The following FSTL4 variants were observed in gnomAD, a reference collection of about 807,000 sequenced individuals.
The protein encoded by FSTL4 is follistatin-related protein 4.
In FSTL4, 28 loss-of-function variants were observed where a neutral mutation model predicts 78.2. The observed-to-expected ratio is 0.36, with a 90% confidence interval of 0.27 to 0.49. The LOEUF is 0.49. Among genes scored for constraint, FSTL4 ranks in the 20% least tolerant of loss-of-function variants. The pLI, the probability that FSTL4 is intolerant of heterozygous loss-of-function variation, is 0.98. For synonymous variants in FSTL4, 422 were observed against 440.5 expected, an observed-to-expected ratio of 0.96 and a Z score of 0.53; for missense variants, 922 against 1,084.9, an observed-to-expected ratio of 0.85 and a Z score of 2.11.
In FSTL4 at chr5:133,197,478, A is replaced by G. The variant is rs1750179992; in HGVS notation, c.*1617T>C. 6.6e-6 allele frequency: 1 copy of G among 152,360 alleles called. No individual in the cohort carries two copies. Among genetic ancestry groups the G allele is most frequent in the African/African-American group, 2.4e-5 (1 of 41,436 alleles). The allele number at this position is 152,360 out of a possible 1,614,324, so 9.4% of individuals were successfully genotyped here. Reference sequence around the variant, plus strand: ...GGCGTTTGGTGGACCAAGTTGCGTGAGACATACAAGTGATTGATCTCATGA... The same window carrying G: ...GGCGTTTGGTGGACCAAGTTGCGTGGGACATACAAGTGATTGATCTCATGA... On this transcript the variant is annotated 3_prime_UTR_variant, in exon 16 of 16. Coordinates refer to ENST00000265342, the MANE Select transcript of FSTL4 (RefSeq NM_015082.2).
In FSTL4 at chr5:133,470,845, A is replaced by G. The variant is rs558295956; in HGVS notation, c.161-69859T>C. On this transcript the variant is annotated intron_variant, in intron 3 of 15. Coordinates refer to ENST00000265342, the MANE Select transcript of FSTL4 (RefSeq NM_015082.2). ...ACATGAGTCTTGAAACAAAAAGTTC[A>G]ATACTCAGATCAGATGATAAAGCCA... Among the ~76,000 whole-genome samples the G allele has an allele frequency of 3.2e-4, 48 of 151,866 alleles. 1 individual carries two copies. The highest frequency in any genetic ancestry group is 7.2e-4 in the Admixed American group (11 of 15,274).
At chr5:133,839,320 G>T in the FSTL4 span, among the ~76,000 whole-genome samples, 107 of 152,330 alleles carry the variant, frequency 7.0e-4, 1 homozygote, top group African/African-American at 2.5e-3. Context: ...TATTCCTGCA[G>T]ATGAGTACTG....
chr5:133,637,046 A>G, the FSTL4 span, among the ~76,000 whole-genome samples: 1 of 152,214 alleles, frequency 6.6e-6, no homozygotes, highest in African/African-American at 2.4e-5. Flanking sequence ...AGGCAAGGTC[A>G]AAGGATAGAC....
intron 11 of FSTL4, among the ~76,000 whole-genome samples, chr5:133,221,259 C>T (rs1751092978): frequency 6.6e-6 from 1 of 152,168 alleles, no homozygotes; most frequent in Non-Finnish European, 1.5e-5. Flanking sequence ...GTAGCAAAGG[C>T]TTTCATTTGC....
intron 4 of FSTL4, among the ~76,000 whole-genome samples, chr5:133,363,338 G>C (rs1021688810): frequency 5.3e-5 from 8 of 152,012 alleles, no homozygotes; most frequent in African/African-American, 1.9e-4. Flanking sequence ...TTTTCCTTTG[G>C]GGGATATCAG....
At chr5:133,791,127 C>G in the FSTL4 span, among the ~76,000 whole-genome samples, 1 of 152,200 alleles carries the variant, frequency 6.6e-6, no homozygotes, top group East Asian at 1.9e-4. Flanking sequence ...TCAGGCTCTC[C>G]TGCCCTTGCT....
the FSTL4 span, among the ~76,000 whole-genome samples, chr5:133,625,724 C>CAT: frequency 5.1e-3 from 300 of 58,820 alleles, 17 homozygotes; most frequent in African/African-American, 9.2e-3. Flanking sequence ...GAGACAGTTC[C>CAT]ATATATATAT....
the FSTL4 span, among the ~76,000 whole-genome samples, chr5:133,830,600 A>T: frequency 6.6e-6 from 1 of 152,218 alleles, no homozygotes. Flanking sequence ...CCATCGGGAC[A>T]GAAAATCATC....
intron 3 of FSTL4, among the ~76,000 whole-genome samples, chr5:133,445,341 G>T (rs2127005947): frequency 6.6e-6 from 1 of 152,312 alleles, no homozygotes; most frequent in African/African-American, 2.4e-5. Flanking sequence ...ACAGGCCGGG[G>T]AGTGCTCCCT....
intron 3 of FSTL4, among the ~76,000 whole-genome samples, chr5:133,448,049 T>C (rs1393098879): frequency 6.6e-6 from 1 of 152,254 alleles, no homozygotes; most frequent in Non-Finnish European, 1.5e-5. Flanking sequence ...GTTTCACATT[T>C]AGCATGAAAG....
intron 4 of FSTL4, among the ~76,000 whole-genome samples, chr5:133,349,450 G>A (rs1016183966): frequency 3.9e-5 from 6 of 152,202 alleles, no homozygotes; most frequent in African/African-American, 1.4e-4. Flanking sequence ...TAAGAGTGCA[G>A]CCAGCACAGC....
At chr5:133,601,390 G>A (rs1024569550) in intron 2 of FSTL4, among the ~76,000 whole-genome samples, 4 of 152,140 alleles carry the variant, frequency 2.6e-5, no homozygotes, top group African/African-American at 9.7e-5. Context: ...GAGAAAGGAA[G>A]GACTAAGAAT....
At chr5:133,449,641 G>A (rs1403688607) in intron 3 of FSTL4, among the ~76,000 whole-genome samples, 2 of 152,138 alleles carry the variant, frequency 1.3e-5, no homozygotes. Flanking sequence ...ACCCCAGGCG[G>A]GGTCCGAGGT....
At chr5:133,660,295 A>T in the FSTL4 span, among the ~76,000 whole-genome samples, 2 of 152,172 alleles carry the variant, frequency 1.3e-5, no homozygotes, top group East Asian at 3.8e-4. Flanking sequence ...AAGCAATTAC[A>T]ACAGAGTAGA....
chr5:133,325,925 G>C (rs1454591040), intron 4 of FSTL4, among the ~76,000 whole-genome samples: 4 of 152,184 alleles, frequency 2.6e-5, no homozygotes, highest in Non-Finnish European at 2.9e-5. Context: ...TGCTGCCCCA[G>C]CAAAGCTTCG....
intron 4 of FSTL4, among the ~76,000 whole-genome samples, chr5:133,366,139 T>G (rs996762361): frequency 1.3e-5 from 2 of 152,248 alleles, no homozygotes; most frequent in African/African-American, 4.8e-5. Context: ...TGTGCCACCT[T>G]GAACGTGTCA....
the FSTL4 span, among the ~76,000 whole-genome samples, chr5:133,790,595 A>G: frequency 1.3e-5 from 2 of 152,140 alleles, no homozygotes; most frequent in African/African-American, 4.8e-5. Flanking sequence ...CTCCAGATGA[A>G]CGAAGCCAGC....
chr5:133,218,875 T>C (rs904146489), intron 12 of FSTL4, among the ~76,000 whole-genome samples: 10 of 152,332 alleles, frequency 6.6e-5, no homozygotes, highest in African/African-American at 2.4e-4. Context: ...TTCACTAGAT[T>C]GTAAGTAAGT....
the FSTL4 span, among the ~76,000 whole-genome samples, chr5:133,823,372 CT>C: frequency 6.6e-6 from 1 of 152,212 alleles, no homozygotes; most frequent in Non-Finnish European, 1.5e-5. Flanking sequence ...AATCATGCCC[CT>C]GTACCCAGAA....
Sources: allele counts gnomAD v4.1 joint callset (sites outside exome capture counted in the v4.1 genomes callset), GRCh38; gene constraint gnomAD v4.1.1; transcripts MANE v1.5; gene names NCBI Gene and HGNC (gene_info 2026-07-23, HGNC 2026-07-21).